Variants in PACRG observed in about 807,000 individuals in gnomAD.
The protein encoded by PACRG is parkin coregulated gene protein.
A neutral mutation model predicts 29.7 loss-of-function variants in PACRG; 29 were observed. The observed-to-expected ratio is 0.98, with a 90% CI of 0.73 to 1.33. The LOEUF is 1.33. Among genes scored for constraint, PACRG ranks in the 40% most tolerant of loss-of-function variants. The pLI, the probability that PACRG is intolerant of heterozygous loss-of-function variation, is 0.00. For missense variants in PACRG, 279 were observed against 316.2 expected (o/e 0.88, Z 0.89); for synonymous variants, 116 against 118.7 (o/e 0.98, Z 0.15).
At chr6:163,098,514 C>T (rs572753330) in intron 4 of PACRG, among the ~76,000 whole-genome samples, 92 of 152,282 alleles carry the variant, frequency 6.0e-4, no homozygotes, top group Middle Eastern at 3.4e-3. Flanking sequence ...CCTCACCAGG[C>T]GGGAGAGCCC....
chr6:163,155,015 C>T (rs1278361155), intron 4 of PACRG, among the ~76,000 whole-genome samples: 4 of 152,108 alleles, frequency 2.6e-5, no homozygotes, highest in South Asian at 2.1e-4. Context: ...ATGACTTATC[C>T]TTGGCCTCCA....
chr6:163,005,903 G>A (rs1341993463), intron 2 of PACRG, among the ~76,000 whole-genome samples: 1 of 144,852 alleles, frequency 6.9e-6, no homozygotes, highest in Non-Finnish European at 1.5e-5. Context: ...GTAGTTATAC[G>A]TGTTATATAT....
At chr6:163,004,028 C>T (rs886586630) in intron 2 of PACRG, among the ~76,000 whole-genome samples, 1 of 151,972 alleles carries the variant, frequency 6.6e-6, no homozygotes, top group Non-Finnish European at 1.5e-5. Flanking sequence ...AGATAATGAC[C>T]ATATCAATCT....
At chr6:163,312,042 A>G (rs967009046) in intron 4 of PACRG, among the ~76,000 whole-genome samples, 3 of 152,188 alleles carry the variant, frequency 2.0e-5, no homozygotes, top group Admixed American at 2.0e-4. Context: ...ATCTTTGTCC[A>G]TAAGGAACTT....
At chr6:162,856,906 A>G (rs1453685551) in intron 2 of PACRG, among the ~76,000 whole-genome samples, 1 of 152,132 alleles carries the variant, frequency 6.6e-6, no homozygotes, top group Non-Finnish European at 1.5e-5. Flanking sequence ...CAGCGGGTTT[A>G]CCTAGGTTTT....
chr6:162,888,899 C>T lies in PACRG; in HGVS notation c.291+74618C>T, dbSNP rs1233015516. Among the ~76,000 whole-genome samples, 8 of 152,132 alleles carry T rather than the reference C, an allele frequency of 5.3e-5. No homozygotes were observed. The East Asian group carries it at 1.4e-3, about 26-fold the overall frequency. On this transcript the variant is annotated intron_variant, in intron 2 of 4. Coordinates refer to ENST00000366888, the MANE Select transcript of PACRG (RefSeq NM_001080379.2). ...AAATAGGAAGGAAGGTCAGAATTGA[C>T]AGGAATTCACAAGGAAAGAGAGCAT...
intron 2 of PACRG, among the ~76,000 whole-genome samples, chr6:162,872,875 A>G (rs1562684680): frequency 6.6e-6 from 1 of 152,180 alleles, no homozygotes; most frequent in African/African-American, 2.4e-5. Flanking sequence ...GCTCATAGGT[A>G]GTGCAATACT....
At chr6:163,067,439 G>A (rs1183196995) in intron 3 of PACRG, among the ~76,000 whole-genome samples, 1 of 152,190 alleles carries the variant, frequency 6.6e-6, no homozygotes, top group Non-Finnish European at 1.5e-5. Flanking sequence ...TTCATAATGT[G>A]CATGATTAGA....
At chr6:162,730,656 AAAT>A (rs1397577652) in intron 1 of PACRG, among the ~76,000 whole-genome samples, 1 of 152,224 alleles carries the variant, frequency 6.6e-6, no homozygotes, top group African/African-American at 2.4e-5. Flanking sequence ...ATTATTGAAA[AAAT>A]AATGATAAAT....
chr6:162,812,308 C>A (rs1256114983), intron 1 of PACRG, among the ~76,000 whole-genome samples: 1 of 151,866 alleles, frequency 6.6e-6, no homozygotes, highest in African/African-American at 2.4e-5. Context: ...AAAAGTTAAA[C>A]AAGAAAAATA....
chr6:163,187,332 T>C (rs943642857), intron 4 of PACRG, among the ~76,000 whole-genome samples: 1 of 152,100 alleles, frequency 6.6e-6, no homozygotes, highest in Non-Finnish European at 1.5e-5. Context: ...CCCACGCCAG[T>C]CAGTGCACCC....
intron 4 of PACRG, among the ~76,000 whole-genome samples, chr6:163,221,651 G>A (rs9458755): frequency 0.24 from 36,171 of 152,148 alleles, 4,523 homozygotes; most frequent in African/African-American, 0.32. Flanking sequence ...GAAAACATAG[G>A]TAAATGAATA....
At chr6:162,806,548 T>C (rs1395524897) in intron 1 of PACRG, among the ~76,000 whole-genome samples, 1 of 152,140 alleles carries the variant, frequency 6.6e-6, no homozygotes, top group Non-Finnish European at 1.5e-5. Context: ...ATCAGAGCTC[T>C]AGGGATACCA....
In PACRG at chr6:163,269,855, A is replaced by C. The variant is rs55750319; in HGVS notation, c.614-44972A>C. On this transcript the variant is annotated intron_variant, in intron 4 of 4. Transcript: ENST00000366888. ...AGAAAGAAAAAGAAAGAAAGAAAGA[A>C]AGAGAAAGAAAGAGAAAGAAAGAAA... 1.4e-3 allele frequency among the ~76,000 whole-genome samples: 96 copies of C among 70,106 alleles called. 9 individuals carry two copies. The highest frequency in any genetic ancestry group is 5.9e-3 in the African/African-American group (89 of 15,028). The allele number at this position is 70,106 out of a possible 152,430, so 46.0% of individuals were successfully genotyped here. A position where few individuals can be genotyped will look rare whatever the true frequency, so the allele number is the denominator to read the frequency against.
intron 4 of PACRG, among the ~76,000 whole-genome samples, chr6:163,175,360 A>G (rs1779294540): frequency 6.6e-6 from 1 of 152,020 alleles, no homozygotes; most frequent in Non-Finnish European, 1.5e-5. Flanking sequence ...TTGTTTGCAG[A>G]GGGAGCATAG....
chr6:162,823,783 G>T (rs1309117265), intron 2 of PACRG, among the ~76,000 whole-genome samples: 2 of 152,018 alleles, frequency 1.3e-5, no homozygotes, highest in Non-Finnish European at 2.9e-5. Context: ...AAAGTGCTGG[G>T]ATTACAGGCC....
chr6:163,130,045 A>G (rs1011974896), intron 4 of PACRG, among the ~76,000 whole-genome samples: 3 of 152,224 alleles, frequency 2.0e-5, no homozygotes, highest in African/African-American at 7.2e-5. Flanking sequence ...TCCTGGGGAC[A>G]TAGTGGGACA....
intron 2 of PACRG, among the ~76,000 whole-genome samples, chr6:162,926,190 GGAT>G (rs1797427613): frequency 6.6e-6 from 1 of 152,056 alleles, no homozygotes. Context: ...CCATCCTCAT[GGAT>G]AGGAAGAATC....
chr6:162,839,475 T>G (rs1402218476), intron 2 of PACRG, among the ~76,000 whole-genome samples: 1 of 149,300 alleles, frequency 6.7e-6, no homozygotes, highest in Admixed American at 6.7e-5. Context: ...TTGAGTTCAT[T>G]GTAGATTCTG....
Sources: gnomAD v4.1 joint callset for allele counts (sites outside exome capture counted in the v4.1 genomes callset) on GRCh38, gnomAD v4.1.1 for gene constraint, MANE v1.5 for transcripts, NCBI Gene and HGNC (gene_info 2026-07-23, HGNC 2026-07-21) for gene names.